BCAS3: variants seen among roughly 807,000 people sequenced by gnomAD.
The protein encoded by BCAS3 is BCAS4/BCAS3 fusion.
BCAS3 carries 53 observed loss-of-function variants against 116.1 expected under a neutral mutation model. The observed-to-expected ratio is 0.46, with a 90% CI of 0.37 to 0.57. The LOEUF is 0.57. Ranked by LOEUF, BCAS3 falls within the 20% of genes least tolerant of loss-of-function variation. The pLI, the probability that BCAS3 is intolerant of heterozygous loss-of-function variation, is 0.00. For missense variants in BCAS3, 917 were observed against 1,165.4 expected, an observed-to-expected ratio of 0.79 and a Z score of 3.10; for synonymous variants, 391 against 408.2, an observed-to-expected ratio of 0.96 and a Z score of 0.51.
intron 19 of BCAS3, among the ~76,000 whole-genome samples, chr17:61,042,892 A>C (rs377098653): frequency 7.8e-5 from 5 of 64,478 alleles, no homozygotes; most frequent in African/African-American, 6.7e-4. Flanking sequence ...TCCATCTCAC[A>C]AAAAAAAAAA....
At chr17:60,691,680 T>C (rs2034843678) in intron 4 of BCAS3, among the ~76,000 whole-genome samples, 1 of 152,032 alleles carries the variant, frequency 6.6e-6, no homozygotes, top group African/African-American at 2.4e-5. Context: ...TCCTATCCTG[T>C]GAGTTGCCTT....
chr17:60,833,149 G>A (rs901369691), intron 7 of BCAS3, among the ~76,000 whole-genome samples: 2 of 152,076 alleles, frequency 1.3e-5, no homozygotes, highest in African/African-American at 4.8e-5. Flanking sequence ...TTACAGGTGC[G>A]AGCCACTGTA....
At chr17:60,968,182 G>C (rs1317196540) in intron 14 of BCAS3, among the ~76,000 whole-genome samples, 4 of 151,710 alleles carry the variant, frequency 2.6e-5, no homozygotes, top group Non-Finnish European at 5.9e-5. Flanking sequence ...TGTCTACCTT[G>C]TTTTGATTTT....
chr17:61,240,777 A>G (rs2047446002), intron 22 of BCAS3, among the ~76,000 whole-genome samples: 1 of 152,246 alleles, frequency 6.6e-6, no homozygotes, highest in African/African-American at 2.4e-5. Context: ...TCATTTACCT[A>G]TATCATTGAG....
chr17:60,891,564 A>G (rs961791342), intron 10 of BCAS3: 4 of 406,706 alleles, frequency 9.8e-6, no homozygotes, highest in African/African-American at 4.2e-5. Flanking sequence ...GGGGCTGAGT[A>G]TAGAATTGTA....
intron 22 of BCAS3, among the ~76,000 whole-genome samples, chr17:61,147,988 G>A (rs58317527): frequency 0.93 from 140,730 of 150,894 alleles, 66,387 homozygotes; most frequent in East Asian, 1. Context: ...CTCTGTCTCA[G>A]AAAAAAAAAG....
intron 22 of BCAS3, among the ~76,000 whole-genome samples, chr17:61,314,882 A>G (rs986896635): frequency 3.3e-5 from 5 of 152,196 alleles, no homozygotes; most frequent in African/African-American, 1.2e-4. Flanking sequence ...GGAGTGGATA[A>G]TGCTCTTTAC....
At chr17:60,935,543 T>C (rs2059873855) in intron 13 of BCAS3, among the ~76,000 whole-genome samples, 1 of 152,166 alleles carries the variant, frequency 6.6e-6, no homozygotes, top group South Asian at 2.1e-4. Context: ...TTCTGTAACA[T>C]AGTCACAGAG....
In BCAS3 at chr17:60,690,960, T is replaced by C. The variant is rs781611483; in HGVS notation, c.214+1199T>C. On this transcript the variant is annotated intron_variant, in intron 4 of 23. Transcript: ENST00000407086. The stretch of plus-strand genomic sequence containing the variant: ...AAAACAAAAACAAAACAAAAGGGAG[T>C]CTCACTCTGTCGCCCAGGCTGGAGT... Among the ~76,000 whole-genome samples, 5 of 150,110 alleles carry C rather than the reference T, an allele frequency of 3.3e-5. No homozygotes were observed. In the East Asian group the frequency reaches 9.9e-4, roughly 30 times the overall value.
intron 6 of BCAS3, among the ~76,000 whole-genome samples, chr17:60,802,293 AAAAT>A (rs1345998740): frequency 1.5e-5 from 2 of 135,798 alleles, no homozygotes; most frequent in African/African-American, 6.5e-5. Context: ...CAAAAAAAAA[AAAAT>A]ATATATATAT....
rs909597328 is a variant in BCAS3 at position 61,367,018 on chromosome 17, G to A, written c.2426-1309G>A. ...TGTGGCCATTATCAGAGGCAGGACC[G>A]CCTGCCGAGGCTGGGGCTCGCACCC... is the stretch of plus-strand genomic sequence containing the variant. On this transcript the variant is annotated intron_variant, in intron 22 of 23. Transcript: ENST00000407086. This position sits in a 1 kb window ranked among gnomAD's most constrained non-coding sequence, Gnocchi z 6.2. Among the ~76,000 whole-genome samples the A allele has an allele frequency of 2.0e-5, 3 of 152,204 alleles. No individual in the cohort carries two copies. Among genetic ancestry groups the A allele is most frequent in the Admixed American group, 6.5e-5 (1 of 15,284 alleles).
At position 61,367,324 on chromosome 17, in the gene BCAS3, C is replaced by G. The variant is rs2058796325; in HGVS notation, c.2426-1003C>G. On this transcript the variant is annotated intron_variant, in intron 22 of 23. Transcript: ENST00000407086. This position sits in a 1 kb window ranked among gnomAD's most constrained non-coding sequence, Gnocchi z 6.2. ...TAAAGCAACAGAGCGTGACTATAAT[C>G]TCCTTCCGAGAGAGAGTGGATGAAA... Among the ~76,000 whole-genome samples, 1 of 152,224 alleles carries G rather than the reference C, an allele frequency of 6.6e-6. No homozygotes were observed. The highest frequency in any genetic ancestry group is 1.5e-5 in the Non-Finnish European group (1 of 68,044).
chr17:60,822,012 TGTTGATG>T (rs1485561214), intron 7 of BCAS3, among the ~76,000 whole-genome samples: 4 of 152,234 alleles, frequency 2.6e-5, no homozygotes, highest in Non-Finnish European at 5.9e-5. Flanking sequence ...TGCTCTCATC[TGTTGATG>T]GATATTTTGG....
chr17:60,982,612 T>C (rs1403298881), intron 14 of BCAS3, among the ~76,000 whole-genome samples: 2 of 152,372 alleles, frequency 1.3e-5, no homozygotes, highest in East Asian at 3.9e-4. Flanking sequence ...GAGAATCTAA[T>C]AACACTAACT....
At chr17:60,928,323 T>A (rs1422517158) in intron 13 of BCAS3, among the ~76,000 whole-genome samples, 2 of 152,162 alleles carry the variant, frequency 1.3e-5, no homozygotes, top group Non-Finnish European at 2.9e-5. Flanking sequence ...AAATAATGAT[T>A]CAGTGCCTGG....
intron 5 of BCAS3, among the ~76,000 whole-genome samples, chr17:60,726,541 A>G (rs2039882391): frequency 7.5e-6 from 1 of 134,108 alleles, no homozygotes; most frequent in Non-Finnish European, 1.6e-5. Flanking sequence ...ACAGAGTCTC[A>G]CTCTGTTGCC....
In BCAS3 at chr17:61,224,118, A is replaced by G. The variant is rs188136153; in HGVS notation, c.2425+139554A>G. Among the ~76,000 whole-genome samples, 37 of 152,362 alleles carry G rather than the reference A, an allele frequency of 2.4e-4. No homozygotes were observed. In the East Asian group the frequency reaches 3.7e-3, roughly 15 times the overall value. ...TCTTTTCTCCTATATTTGATTATAG[A>G]AAGCAGTTTTTATTTTTATGCTTTA... On this transcript the variant is annotated intron_variant, in intron 22 of 23. Transcript: ENST00000407086. This position sits in a 1 kb window ranked among gnomAD's most constrained non-coding sequence, Gnocchi z 5.7.
In BCAS3 at chr17:61,265,200, G is replaced by A. The variant is rs960374860; in HGVS notation, c.2426-103127G>A. On this transcript the variant is annotated intron_variant, in intron 22 of 23. Transcript: ENST00000407086. The surrounding 1 kb of genome is among the most constrained non-coding windows in gnomAD (Gnocchi z 4.3). ...AGCCTGAGGCAGGCAGATCACCTGAGGTTGCGAGTTCAAGACCAGCCTGAC... is the reference window on the plus strand; with the variant it reads ...AGCCTGAGGCAGGCAGATCACCTGAAGTTGCGAGTTCAAGACCAGCCTGAC... Among the ~76,000 whole-genome samples the A allele has an allele frequency of 2.6e-5, 4 of 152,284 alleles. No individual in the cohort carries two copies. The highest frequency in any genetic ancestry group is 4.4e-5 in the Non-Finnish European group (3 of 68,024).
At chr17:60,925,916 T>C (rs935092600) in intron 13 of BCAS3, among the ~76,000 whole-genome samples, 2 of 152,154 alleles carry the variant, frequency 1.3e-5, no homozygotes, top group Admixed American at 6.5e-5. Flanking sequence ...GACCCAAGTC[T>C]AAATACAAAA....
Sources: allele counts gnomAD v4.1 joint callset (sites outside exome capture counted in the v4.1 genomes callset), GRCh38; gene constraint gnomAD v4.1.1; non-coding constraint Gnocchi (gnomAD v3.1); transcripts MANE v1.5; gene names NCBI Gene and HGNC (gene_info 2026-07-23, HGNC 2026-07-21).